Variants in NT5E observed in about 807,000 individuals in gnomAD.
NT5E encodes 5'-nucleotidase ecto, also known as 5'-nucleotidase.
Under a neutral mutation model 55.1 loss-of-function variants are expected in NT5E, and 53 were observed. The observed-to-expected ratio is 0.96, with a 90% confidence interval of 0.77 to 1.21. The LOEUF is 1.21. NT5E is among the 50% of genes most tolerant of loss of function. The pLI is 0.00. For missense variants in NT5E, 683 were observed against 724.3 expected, an observed-to-expected ratio of 0.94 and a Z score of 0.65; for synonymous variants, 270 against 278.4, an observed-to-expected ratio of 0.97 and a Z score of 0.30.
At chr6:85,471,835 C>G (rs2127721352) in intron 3 of NT5E, among the ~76,000 whole-genome samples, 1 of 152,192 alleles carries the variant, frequency 6.6e-6, no homozygotes, top group South Asian at 2.1e-4. Flanking sequence ...CTTTATAACT[C>G]AAGGTGGATT....
At chr6:85,483,347 C>T (rs1385320882) in intron 3 of NT5E, among the ~76,000 whole-genome samples, 2 of 152,228 alleles carry the variant, frequency 1.3e-5, no homozygotes, top group African/African-American at 4.8e-5. Flanking sequence ...CCATAACTAC[C>T]TGGTCCCCTG....
rs900424595 is a variant in NT5E, at chr6:85,489,559, T to A, written c.1170T>A (p.Asn390Lys). Residue 390 changes from asparagine (N) to lysine (K), a missense_variant, in exon 6 of 9, where the codon AAT becomes AAA. By Grantham distance (94) the Asn-to-Lys change is moderately conservative. Coordinates refer to ENST00000257770, the MANE Select transcript of NT5E (RefSeq NM_002526.4). ...ACCACGTATCCATGTGCATTTTAAA[T>A]GGAGGTGGTATCCGGTCGCCCATTG... ...FWNHVSMCIL[N>K]GGGIRSPIDE... The A allele has an allele frequency of 1.2e-6, 2 of 1,613,922 alleles. No homozygotes were observed. The highest frequency in any genetic ancestry group is 1.7e-6 in the Non-Finnish European group (2 of 1,179,958).
At chr6:85,469,762 C>T (rs960297174) in intron 2 of NT5E, among the ~76,000 whole-genome samples, 4 of 152,204 alleles carry the variant, frequency 2.6e-5, no homozygotes, top group African/African-American at 9.7e-5. Context: ...CCTTGCCTGT[C>T]CAACACATCT....
At chr6:85,490,424 C>T (rs1164927692) in intron 6 of NT5E, 84 bp from the exon 7 acceptor site, 2 of 1,480,648 alleles carry the variant, frequency 1.4e-6, no homozygotes, top group Admixed American at 3.3e-5. Context: ...CTCATTTCTT[C>T]CCCCAGCGCT....
chr6:85,472,398 T>C (rs1041722098), intron 3 of NT5E, among the ~76,000 whole-genome samples: 37 of 152,212 alleles, frequency 2.4e-4, no homozygotes, highest in Admixed American at 2.4e-3. Flanking sequence ...TTATTTTCTT[T>C]CTAGTACTTT....
rs1030917031 is a variant in NT5E, at chr6:85,461,637, A to G, written c.340-5423A>G. Among the ~76,000 whole-genome samples the G allele has an allele frequency of 3.3e-5, 5 of 152,320 alleles. No homozygotes were observed. The South Asian group carries it at 8.3e-4, about 25-fold the overall frequency. ...TGGTTAGTTTGCCTCAACCTGCAGC[A>G]GAGTTTTTATTCCAAGAGTTAACAG... On this transcript the variant is annotated intron_variant, in intron 1 of 8. Coordinates refer to ENST00000257770, the MANE Select transcript of NT5E (RefSeq NM_002526.4).
intron 1 of NT5E, among the ~76,000 whole-genome samples, chr6:85,453,159 G>C (rs1455535019): frequency 6.6e-6 from 1 of 152,178 alleles, no homozygotes; most frequent in Non-Finnish European, 1.5e-5. Context: ...AGTTAGTGTA[G>C]CTGTCTCAGT....
intron 1 of NT5E, among the ~76,000 whole-genome samples, chr6:85,459,912 T>C (rs920943666): frequency 4.6e-5 from 7 of 152,230 alleles, no homozygotes; most frequent in Non-Finnish European, 8.8e-5. Context: ...AGTTTCTTGT[T>C]TTGATTATTA....
intron 1 of NT5E, among the ~76,000 whole-genome samples, chr6:85,456,983 A>G (rs1769003534): frequency 6.6e-6 from 1 of 152,192 alleles, no homozygotes; most frequent in African/African-American, 2.4e-5. Flanking sequence ...TGTGCTTAGC[A>G]CAGGGCCAGC....
chr6:85,457,756 C>T (rs1582368687), intron 1 of NT5E, among the ~76,000 whole-genome samples: 1 of 152,176 alleles, frequency 6.6e-6, no homozygotes, highest in South Asian at 2.1e-4. Context: ...TTCAGCATTA[C>T]TACATGCCAG....
In NT5E at chr6:85,465,432, A is replaced by G. The variant is rs149583488; in HGVS notation, c.340-1628A>G. 3.8e-3 allele frequency among the ~76,000 whole-genome samples: 582 copies of G among 152,340 alleles called. 2 individuals carry two copies. The highest frequency in any genetic ancestry group is 6.0e-3 in the Non-Finnish European group (406 of 68,034). ...AGGGAGACTTATTTCACCATAGGAA[A>G]AAAATCATAACATTCTAAGAATAGA... is the stretch of plus-strand genomic sequence containing the variant. On this transcript the variant is annotated intron_variant, in intron 1 of 8. Transcript: ENST00000257770.
At position 85,450,275 on chromosome 6, in the gene NT5E, G is replaced by T. The variant is rs1768826606; in HGVS notation, c.136G>T (p.Glu46Ter). ...DVHSRLEQTSEDSSKCVNASR... is the reference protein window; with the variant it reads ...DVHSRLEQTS ...GCACAGCCGGCTGGAGCAGACCAGC[G>T]AGGACTCCAGCAAGTGCGTCAACGC... The change falls in exon 1 of 9, where the codon GAG becomes TAG. Residue 46 changes from glutamate to a stop codon, truncating the protein, a stop_gained. Transcript: ENST00000257770. LOFTEE classifies it high-confidence loss of function. The surrounding 1 kb of genome is among the most constrained non-coding windows in gnomAD (Gnocchi z 4.0). The T allele has an allele frequency of 6.2e-7, 1 of 1,608,324 alleles. No individual in the cohort carries two copies. Among genetic ancestry groups the T allele is most frequent in the African/African-American group, 1.3e-5 (1 of 74,886 alleles).
chr6:85,470,329 C>T (rs1020805508), intron 2 of NT5E, among the ~76,000 whole-genome samples: 4 of 152,196 alleles, frequency 2.6e-5, no homozygotes, highest in African/African-American at 9.7e-5. Context: ...CGTTTGTTAC[C>T]ACTATGTGCA....
intron 8 of NT5E, among the ~76,000 whole-genome samples, chr6:85,493,393 AG>A (rs1769826773): frequency 6.6e-6 from 1 of 152,176 alleles, no homozygotes; most frequent in Non-Finnish European, 1.5e-5. Flanking sequence ...TTGTAGCTAT[AG>A]GCAATTAGCA....
At chr6:85,455,311 C>T (rs530750536) in intron 1 of NT5E, among the ~76,000 whole-genome samples, 9 of 152,172 alleles carry the variant, frequency 5.9e-5, no homozygotes, top group Non-Finnish European at 8.8e-5. Context: ...CAAGATGGAA[C>T]CAGTCACCAG....
At chr6:85,490,786 A>G in intron 7 of NT5E, 129 bp downstream of exon 7, 1 of 967,428 alleles carries the variant, frequency 1.0e-6, no homozygotes, top group Non-Finnish European at 1.6e-6. Context: ...CCCAACACCA[A>G]TACCTTACCC....
intron 1 of NT5E, among the ~76,000 whole-genome samples, chr6:85,464,770 G>A (rs886077735): frequency 6.6e-6 from 1 of 152,202 alleles, no homozygotes; most frequent in South Asian, 2.1e-4. Flanking sequence ...CACTAAGGCA[G>A]CAACAATAGG....
chr6:85,479,085 T>C (rs1769492120), intron 3 of NT5E, among the ~76,000 whole-genome samples: 1 of 152,198 alleles, frequency 6.6e-6, no homozygotes, highest in African/African-American at 2.4e-5. Flanking sequence ...TAATGCTAGT[T>C]TTATTTTTAT....
chr6:85,473,602 T>C (rs980575995), intron 3 of NT5E, among the ~76,000 whole-genome samples: 5 of 152,176 alleles, frequency 3.3e-5, no homozygotes, highest in Non-Finnish European at 7.4e-5. Flanking sequence ...CATATATGTG[T>C]GTGTGCGTTC....
Sources: allele counts gnomAD v4.1 joint callset (sites outside exome capture counted in the v4.1 genomes callset), GRCh38; gene constraint gnomAD v4.1.1; non-coding constraint Gnocchi (gnomAD v3.1); transcripts MANE v1.5; gene names NCBI Gene and HGNC (gene_info 2026-07-23, HGNC 2026-07-21).